Variants in WASF1 observed in about 807,000 individuals in gnomAD.
The protein encoded by WASF1 is WASP family member 1, also known as actin-binding protein WASF1.
Under a neutral mutation model 50.5 loss-of-function variants are expected in WASF1, and 7 were observed. The ratio of observed to expected loss-of-function variants is 0.14; its 90% CI spans 0.08 to 0.26. The LOEUF (loss-of-function observed/expected upper bound fraction) is 0.26. WASF1 is among the 10% of genes least tolerant of loss of function. WASF1 has a pLI of 1.00. For synonymous variants in WASF1, 205 were observed against 244.0 expected, an observed-to-expected ratio of 0.84 and a Z score of 1.49; for missense variants, 470 against 694.7, an observed-to-expected ratio of 0.68 and a Z score of 3.64.
At chr6:110,169,500 T>C (rs554285063) in intron 2 of WASF1, among the ~76,000 whole-genome samples, 41 of 152,262 alleles carry the variant, frequency 2.7e-4, no homozygotes, top group African/African-American at 9.1e-4. Context: ...GGTAAAACAG[T>C]TGCATCTCAT....
Position 110,101,637 on chromosome 6 carries a change from T to C in WASF1, c.1473A>G (p.Leu491=), listed in dbSNP as rs1773092141. 1.9e-6 allele frequency: 3 copies of C among 1,613,870 alleles called. No individual in the cohort carries two copies. The highest frequency in any genetic ancestry group is 1.3e-5 in the African/African-American group (1 of 75,006). The change falls in exon 10 of 11, where the codon CTA becomes CTG. Residue 491 remains leucine (L), a synonymous_variant. Coordinates refer to ENST00000392589, the MANE Select transcript of WASF1 (RefSeq NM_003931.3). ...ASEPKRHPST[L]PVISDARSVL... is the part of the protein sequence containing the mutation. The stretch of plus-strand genomic sequence containing the variant: ...CACTCCTGGCATCACTGATTACAGG[T>C]AGGGTTGATGGATGGCGCTTTGGCT...
At chr6:110,142,048 T>A (rs1327037559) in intron 3 of WASF1, among the ~76,000 whole-genome samples, 1 of 152,296 alleles carries the variant, frequency 6.6e-6, no homozygotes, top group Non-Finnish European at 1.5e-5. Context: ...AACTACTTAA[T>A]CATGATTCTA....
chr6:110,114,420 A>C (rs1242802310), intron 4 of WASF1, among the ~76,000 whole-genome samples: 1 of 152,230 alleles, frequency 6.6e-6, no homozygotes, highest in Admixed American at 6.5e-5. Context: ...AATTATAAAA[A>C]AAGAAAAGGA....
intron 4 of WASF1, among the ~76,000 whole-genome samples, chr6:110,122,066 G>A (rs1253976299): frequency 6.6e-6 from 1 of 151,848 alleles, no homozygotes; most frequent in Non-Finnish European, 1.5e-5. Context: ...GATAGCATTA[G>A]GAAAAAATAC....
At chr6:110,112,901 A>C (rs569975938) in intron 5 of WASF1, among the ~76,000 whole-genome samples, 5 of 128,878 alleles carry the variant, frequency 3.9e-5, no homozygotes, top group Admixed American at 1.4e-4. Flanking sequence ...TCTCAAAAAA[A>C]AAAAAAAACA....
rs757573128 is a variant in WASF1, at chr6:110,101,823, C to T, written c.1287G>A (p.Pro429=). The T allele has an allele frequency of 4.5e-5, 72 of 1,613,748 alleles. No individual in the cohort carries two copies. Among genetic ancestry groups the T allele is most frequent in the East Asian group, 6.7e-5 (3 of 44,882 alleles). The change falls in exon 10 of 11, where the codon CCG becomes CCA. Residue 429 remains proline (P), a synonymous_variant. Coordinates refer to ENST00000392589, the MANE Select transcript of WASF1 (RefSeq NM_003931.3). ...EVQGLPPPPP[P]PPLPPPGIRP... ...GAATGCCAGGTGGAGGCAGAGGAGG[C>T]GGTGGTGGGGGTGGAGGCAGCCCCT...
chr6:110,100,544 T>A lies in WASF1; in HGVS notation c.1658A>T (p.Asp553Val), dbSNP rs1773035266. ...TTCTTACTCCAACCAATCTACTTCA[T>A]CAAATTCTGAATCATCTTCCGAATC... ...YSDSEDDSEF[D>V]EVDWLE is the part of the protein sequence containing the mutation. The change falls in exon 11 of 11, where the codon GAT becomes GTT. Residue 553 changes from aspartate to valine, a missense_variant. This residue lies in a region of WASF1 where 36 missense variants were observed against 90.7 expected (regional missense o/e 0.40). Transcript: ENST00000392589. 6.2e-7 allele frequency: 1 copy of A among 1,612,486 alleles called. No individual in the cohort carries two copies. The highest frequency in any genetic ancestry group is 1.1e-5 in the South Asian group (1 of 90,734).
At chr6:110,139,181 T>C (rs1775105431) in intron 3 of WASF1, among the ~76,000 whole-genome samples, 1 of 152,230 alleles carries the variant, frequency 6.6e-6, no homozygotes, top group South Asian at 2.1e-4. Flanking sequence ...TGCTCTGCCC[T>C]GGAACAGGTG....
chr6:110,166,545 T>C (rs1776485658), intron 2 of WASF1, among the ~76,000 whole-genome samples: 1 of 151,934 alleles, frequency 6.6e-6, no homozygotes, highest in African/African-American at 2.4e-5. Flanking sequence ...AAACTAATAT[T>C]GGTATTTTAT....
intron 5 of WASF1, among the ~76,000 whole-genome samples, chr6:110,110,915 G>A (rs79930072): frequency 0.073 from 11,094 of 151,782 alleles, 554 homozygotes; most frequent in African/African-American, 0.14. Context: ...AAATTAAGTA[G>A]TTCAGCTTTT....
chr6:110,124,266 C>A (rs1308850781), intron 4 of WASF1, among the ~76,000 whole-genome samples: 15 of 62,580 alleles, frequency 2.4e-4, no homozygotes, highest in Non-Finnish European at 3.3e-4. Flanking sequence ...CTCTCTCTCT[C>A]TCTCTCTCTA....
intron 3 of WASF1, among the ~76,000 whole-genome samples, chr6:110,134,615 AG>A (rs1476660480): frequency 2.0e-5 from 3 of 151,450 alleles, no homozygotes; most frequent in Non-Finnish European, 2.9e-5. Context: ...TAGTAGAGAC[AG>A]GGTTTCACTA....
rs755175111 is a variant in WASF1, at chr6:110,113,415, T to C, written c.179A>G (p.His60Arg). Reference protein sequence around the residue: ...DIFGELFNEAHSFSFRVNSLQ... With the variant: ...DIFGELFNEARSFSFRVNSLQ... ...TGAGTTGACTCTGAAGGAAAAACTA[T>C]GTGCTTCATTGAATAATTCTCCAAA... is the stretch of plus-strand genomic sequence containing the variant. The change falls in exon 5 of 11, where the codon CAT becomes CGT. Residue 60 changes from histidine to arginine, a missense_variant. By Grantham distance (29) the His-to-Arg change is conservative. This residue lies in a region of WASF1 where 140 missense variants were observed against 260.5 expected (regional missense o/e 0.54). Coordinates refer to ENST00000392589, the MANE Select transcript of WASF1 (RefSeq NM_003931.3). The C allele has an allele frequency of 1.2e-6, 2 of 1,603,638 alleles. No individual in the cohort carries two copies. Among genetic ancestry groups the C allele is most frequent in the Non-Finnish European group, 1.7e-6 (2 of 1,175,528 alleles).
intron 4 of WASF1, among the ~76,000 whole-genome samples, chr6:110,124,673 G>A (rs1231381757): frequency 1.1e-4 from 17 of 152,106 alleles, no homozygotes; most frequent in African/African-American, 3.6e-4. Context: ...TTGGGAGGCC[G>A]AGGCGGGTGG....
At chr6:110,107,432 G>C (rs1362566864) in intron 6 of WASF1, among the ~76,000 whole-genome samples, 3 of 152,020 alleles carry the variant, frequency 2.0e-5, no homozygotes, top group Non-Finnish European at 2.9e-5. Context: ...AGTATAGCTG[G>C]GCAATTTTCA....
At chr6:110,154,074 T>C (rs911750896) in intron 3 of WASF1, among the ~76,000 whole-genome samples, 1 of 152,084 alleles carries the variant, frequency 6.6e-6, no homozygotes, top group Non-Finnish European at 1.5e-5. Context: ...GAACTCTCCT[T>C]TTCTATATCT....
intron 2 of WASF1, among the ~76,000 whole-genome samples, chr6:110,176,031 G>T (rs143706938): frequency 6.6e-6 from 1 of 151,862 alleles, no homozygotes; most frequent in Non-Finnish European, 1.5e-5. Context: ...TAAGTATACT[G>T]TTTCTGAGAA....
At chr6:110,152,391 T>C (rs1775863862) in intron 3 of WASF1, among the ~76,000 whole-genome samples, 5 of 152,214 alleles carry the variant, frequency 3.3e-5, no homozygotes, top group Non-Finnish European at 7.3e-5. Context: ...ACTACTCTCC[T>C]TAAGTTGGGA....
At position 110,108,595 on chromosome 6, in the gene WASF1, T is replaced by C. The variant is rs189392086; in HGVS notation, c.355A>G (p.Ile119Val). The change falls in exon 6 of 11, where the codon ATT (isoleucine) becomes GTT (valine). Residue 119 changes from isoleucine (I) to valine (V), a missense_variant. Ile to Val is a conservative substitution (Grantham distance 29). Coordinates refer to ENST00000392589, the MANE Select transcript of WASF1 (RefSeq NM_003931.3). ...QQLFDRKTLP[I>V]PLQETYDVCE... ...ACATCGTACGTCTCCTGTAATGGAA[T>C]AGGCAAAGTCTTGCGATCGAAAAGC... The C allele has an allele frequency of 1.1e-5, 18 of 1,614,096 alleles. No homozygotes were observed. Among genetic ancestry groups the C allele is most frequent in the African/African-American group, 2.7e-5 (2 of 75,044 alleles).
Sources: allele counts gnomAD v4.1 joint callset (sites outside exome capture counted in the v4.1 genomes callset), GRCh38; gene constraint gnomAD v4.1.1; regional missense constraint gnomAD v4.1.1; transcripts MANE v1.5; gene names NCBI Gene and HGNC (gene_info 2026-07-23, HGNC 2026-07-21).